The following PPIH variants were observed in gnomAD, a reference collection of about 807,000 sequenced individuals.
PPIH encodes the protein peptidyl-prolyl cis-trans isomerase H.
Under a neutral mutation model 27.6 loss-of-function variants are expected in PPIH, and 16 were observed. That is an observed-to-expected ratio of 0.58 (90% CI 0.39 to 0.88). The LOEUF is 0.88. PPIH is among the 40% of genes least tolerant of loss of function. The pLI, the probability that PPIH is intolerant of heterozygous loss-of-function variation, is 0.00. For synonymous variants in PPIH, 63 were observed against 76.1 expected (o/e 0.83, Z 0.90); for missense variants, 155 against 224.1 (o/e 0.69, Z 1.97).
At chr1:42,679,275 C>G (rs868032362), downstream of PPIH, among the ~76,000 whole-genome samples, 1 of 152,210 alleles carries the variant, frequency 6.6e-6, no homozygotes, top group Admixed American at 6.5e-5. Flanking sequence ...CTGTAACCTC[C>G]GCCTCCCGGG....
At chr1:42,661,886 A>T (rs1649044263) in intron 5 of PPIH, among the ~76,000 whole-genome samples, 1 of 152,182 alleles carries the variant, frequency 6.6e-6, no homozygotes. Flanking sequence ...AAGTGGAAGT[A>T]TGCTGGGCCT....
rs760702700 is a variant in PPIH at position 42,658,836 on chromosome 1, G to C, written c.67-8G>C. The C allele has an allele frequency of 6.2e-7, 1 of 1,614,180 alleles. No individual in the cohort carries two copies. The highest frequency in any genetic ancestry group is 1.1e-5 in the South Asian group (1 of 91,088). On this transcript the variant is annotated splice_polypyrimidine_tract_variant and splice_region_variant and intron_variant, in intron 1 of 9. Transcript: ENST00000304979. ...CTGGGCCTTCTGACACTCTCCCGCT[G>C]ATTGCAGGAAGTTGGCCGCATGAAG... is the stretch of plus-strand genomic sequence containing the variant.
intron 4 of PPIH, among the ~76,000 whole-genome samples, chr1:42,660,168 G>C (rs577170977): frequency 6.6e-6 from 1 of 152,310 alleles, no homozygotes; most frequent in South Asian, 2.1e-4. Flanking sequence ...ATAGCTAACA[G>C]TTGTTAAGCC....
chr1:42,663,946 C>G (rs1395216099), intron 5 of PPIH, among the ~76,000 whole-genome samples: 1 of 152,102 alleles, frequency 6.6e-6, no homozygotes, highest in Non-Finnish European at 1.5e-5. Context: ...CTCAGGGATT[C>G]TATTTAAGGC....
downstream of PPIH, among the ~76,000 whole-genome samples, chr1:42,680,486 CAT>C (rs1302602706): frequency 6.6e-6 from 1 of 152,182 alleles, no homozygotes; most frequent in Non-Finnish European, 1.5e-5. Context: ...TCTTAGAAGT[CAT>C]AGAGTCCAGT....
downstream of PPIH, among the ~76,000 whole-genome samples, chr1:42,677,062 G>A (rs932497424): frequency 1.3e-5 from 2 of 152,198 alleles, no homozygotes; most frequent in South Asian, 2.1e-4. Context: ...GATTGAGCCC[G>A]TGAGGAAAGG....
At chr1:42,661,624 A>G (rs915540554) in intron 5 of PPIH, among the ~76,000 whole-genome samples, 1 of 151,934 alleles carries the variant, frequency 6.6e-6, no homozygotes, top group African/African-American at 2.4e-5. Flanking sequence ...TACTCTTATT[A>G]ATATCATTTG....
intron 3 of PPIH, 66 bp from the exon 4 acceptor site, chr1:42,659,456 C>T (rs773402126): frequency 6.2e-7 from 1 of 1,614,104 alleles, no homozygotes; most frequent in Non-Finnish European, 8.5e-7. Flanking sequence ...GGCTCCAGTG[C>T]ATGGTAAACT....
At chr1:42,677,858 T>C, downstream of PPIH, among the ~76,000 whole-genome samples, 1 of 152,200 alleles carries the variant, frequency 6.6e-6, no homozygotes, top group South Asian at 2.1e-4. Flanking sequence ...TTCCCTGATG[T>C]TTCTTTCATG....
chr1:42,662,587 C>G (rs1649100200), intron 5 of PPIH, among the ~76,000 whole-genome samples: 1 of 151,858 alleles, frequency 6.6e-6, no homozygotes, highest in Non-Finnish European at 1.5e-5. Flanking sequence ...TAGAACCTTC[C>G]TTGGGGAAGG....
intron 9 of PPIH, among the ~76,000 whole-genome samples, chr1:42,676,010 G>A (rs1029246206): frequency 2.6e-5 from 4 of 152,144 alleles, no homozygotes; most frequent in African/African-American, 9.7e-5. Context: ...AGTTGTGAAG[G>A]GCAAATAAAT....
chr1:42,669,718 G>A (rs1010373681), intron 9 of PPIH, among the ~76,000 whole-genome samples: 2 of 152,194 alleles, frequency 1.3e-5, no homozygotes, highest in African/African-American at 4.8e-5. Context: ...TTTTGATGAA[G>A]TCCAAATTAT....
intron 1 of PPIH, 114 bp downstream of exon 1, chr1:42,658,626 C>T: frequency 7.8e-7 from 1 of 1,283,806 alleles, no homozygotes; most frequent in Non-Finnish European, 1.1e-6. Context: ...AGTGAAATTG[C>T]ACCCGAACCT....
chr1:42,659,075 T>C (rs1648845490), intron 2 of PPIH, among the ~76,000 whole-genome samples, 153 bp from the exon 3 acceptor site: 1 of 152,224 alleles, frequency 6.6e-6, no homozygotes, highest in Non-Finnish European at 1.5e-5. Flanking sequence ...CCCGTGTTAA[T>C]TTACGTTGTT....
Position 42,672,538 on chromosome 1 carries a change from C to T in PPIH, c.*22-4046C>T, listed in dbSNP as rs371151222. Among the ~76,000 whole-genome samples, 32 of 152,280 alleles carry T rather than the reference C, an allele frequency of 2.1e-4. No individual in the cohort carries two copies. The East Asian group carries it at 4.1e-3, about 19-fold the overall frequency. On this transcript the variant is annotated intron_variant, in intron 9 of 9. Transcript: ENST00000304979. ...AAACAGCTAAGAAGGAGATAGAAGA[C>T]GGGTCACTTGATCAATTCTACCTCC... is the stretch of plus-strand genomic sequence containing the variant.
At chr1:42,659,009 C>T in intron 2 of PPIH, 101 bp downstream of exon 2, 1 of 1,382,812 alleles carries the variant, frequency 7.2e-7, no homozygotes, top group East Asian at 2.3e-5. Flanking sequence ...CCGCTCACTG[C>T]TCTTGAGACC....
rs369318843 is a variant in PPIH at position 42,665,960 on chromosome 1, G to T, written c.337-20G>T. ...ACATGGCCGGGGAAACTTACTGCAG[G>T]TATATTTGGTTTCCATCAGGCGAAC... is the stretch of plus-strand genomic sequence containing the variant. On this transcript the variant is annotated intron_variant, in intron 6 of 9. Coordinates refer to ENST00000304979, the MANE Select transcript of PPIH (RefSeq NM_006347.4). 99 of 1,604,622 alleles carry T rather than the reference G, an allele frequency of 6.2e-5. No individual in the cohort carries two copies. The highest frequency in any genetic ancestry group is 1.3e-4 in the Admixed American group (8 of 59,990).
chr1:42,664,970 A>C lies in PPIH; in HGVS notation c.336+15A>C. On this transcript the variant is annotated intron_variant, in intron 6 of 9. Transcript: ENST00000304979. Reference sequence around the variant, plus strand: ...TGCTTTCCATGGTAAGTGAGGTCCAATCAAGGTTTTGGGTTATAGCCAGCT... The same window carrying C: ...TGCTTTCCATGGTAAGTGAGGTCCACTCAAGGTTTTGGGTTATAGCCAGCT... 6.2e-7 allele frequency: 1 copy of C among 1,611,722 alleles called. No individual in the cohort carries two copies. The highest frequency in any genetic ancestry group is 1.1e-5 in the South Asian group (1 of 90,982).
chr1:42,659,664 T>G (rs1648894048), intron 4 of PPIH, 98 bp downstream of exon 4: 2 of 1,502,954 alleles, frequency 1.3e-6, no homozygotes, highest in Non-Finnish European at 1.8e-6. Context: ...AATTCTTACA[T>G]TTCTTGAGAA....
Sources: gnomAD v4.1 joint callset for allele counts (sites outside exome capture counted in the v4.1 genomes callset) on GRCh38, gnomAD v4.1.1 for gene constraint, MANE v1.5 for transcripts, NCBI Gene and HGNC (gene_info 2026-07-23, HGNC 2026-07-21) for gene names.